BCAM: variants seen among roughly 807,000 people sequenced by gnomAD.
BCAM encodes basal cell adhesion molecule.
BCAM carries 61 observed loss-of-function variants against 72.4 expected under a neutral mutation model. The ratio of observed to expected loss-of-function variants is 0.84; its 90% CI spans 0.69 to 1.04. The LOEUF (loss-of-function observed/expected upper bound fraction) is 1.04. Ranked by LOEUF, BCAM falls within the 50% of genes least tolerant of loss-of-function variation. BCAM has a pLI of 0.00. For synonymous variants in BCAM, 408 were observed against 384.2 expected (o/e 1.06, Z -0.73); for missense variants, 909 against 895.0 (o/e 1.02, Z -0.20).
rs1384940052 is a variant in BCAM, at chr19:44,813,080, C to T, written c.505-170C>T. ...GTCCCTGGAGGATGGTGCTGGAGGC[C>T]TGGACTCTTTAGTCTGAGTCGGGGA... On this transcript the variant is annotated intron_variant, in intron 4 of 14. Transcript: ENST00000270233. The surrounding 1 kb of genome is among the most constrained non-coding windows in gnomAD (Gnocchi z 4.2). 6 of 699,672 alleles carry T rather than the reference C, an allele frequency of 8.6e-6. No individual in the cohort carries two copies. In the Admixed American group the frequency reaches 1.2e-4, roughly 14 times the overall value. The allele number at this position is 699,672 out of a possible 1,614,324, so 43.3% of individuals were successfully genotyped here. A position where few individuals can be genotyped will look rare whatever the true frequency, so the allele number is the denominator to read the frequency against.
At chr19:44,817,772 G>A (rs1968521810) in intron 8 of BCAM, among the ~76,000 whole-genome samples, 1 of 152,158 alleles carries the variant, frequency 6.6e-6, no homozygotes, top group Non-Finnish European at 1.5e-5. Context: ...TCGAACTCCT[G>A]ACATCAGGTG....
In BCAM at chr19:44,812,262, T is replaced by A. The variant is rs369719491; in HGVS notation, c.304T>A (p.Tyr102Asn). ...MHDTRGRSPP[Y>N]QLDSQGRLVL... ...CGACACCCGGGGCCGCAGTCCCCCA[T>A]ACCAGCTGGACTCCCAGGGGCGCCT... The change falls in exon 3 of 15, where the codon TAC becomes AAC. Residue 102 changes from tyrosine to asparagine, a missense_variant. Tyr to Asn is a moderately radical substitution (Grantham distance 143). Transcript: ENST00000270233. This position sits in a 1 kb window ranked among gnomAD's most constrained non-coding sequence, Gnocchi z 5.3. 3 of 1,610,372 alleles carry A rather than the reference T, an allele frequency of 1.9e-6. No individual in the cohort carries two copies. Among genetic ancestry groups the A allele is most frequent in the Non-Finnish European group, 2.5e-6 (3 of 1,178,134 alleles).
chr19:44,813,236 C>G lies in BCAM; in HGVS notation c.505-14C>G. ...CCAGCTCCAAGCCCAGGGCCATGCC[C>G]GTGTCTGCCTCAGATCGCCACCTGC... On this transcript the variant is annotated splice_polypyrimidine_tract_variant and intron_variant, in intron 4 of 14. Transcript: ENST00000270233. The surrounding 1 kb of genome is among the most constrained non-coding windows in gnomAD (Gnocchi z 4.2). 2.5e-6 allele frequency: 4 copies of G among 1,613,596 alleles called. No homozygotes were observed. The highest frequency in any genetic ancestry group is 3.4e-6 in the Non-Finnish European group (4 of 1,179,790).
rs759819008 is a variant in BCAM, at chr19:44,818,605, G to T, written c.1162G>T (p.Gly388Cys). 6.2e-7 allele frequency: 1 copy of T among 1,613,958 alleles called. No individual in the cohort carries two copies. The highest frequency in any genetic ancestry group is 8.5e-7 in the Non-Finnish European group (1 of 1,179,936). The part of the protein sequence containing the change: ...SSAVVNCSVH[G>C]LPTPALRWTK... Reference sequence around the variant, plus strand: ...TGCAGTCGTGAACTGCTCCGTGCACGGCCTGCCCACCCCTGCCCTACGCTG... The same window carrying T: ...TGCAGTCGTGAACTGCTCCGTGCACTGCCTGCCCACCCCTGCCCTACGCTG... The change falls in exon 9 of 15, where the codon GGC (glycine) becomes TGC (cysteine). Residue 388 changes from glycine (G) to cysteine (C), a missense_variant. Gly to Cys is a radical substitution (Grantham distance 159). Transcript: ENST00000270233. The surrounding 1 kb of genome is among the most constrained non-coding windows in gnomAD (Gnocchi z 4.6).
rs1968528905 is a variant in BCAM, at chr19:44,818,393, C to T, written c.1079-129C>T. On this transcript the variant is annotated intron_variant, in intron 8 of 14. Coordinates refer to ENST00000270233, the MANE Select transcript of BCAM (RefSeq NM_005581.5). This position sits in a 1 kb window ranked among gnomAD's most constrained non-coding sequence, Gnocchi z 4.6. ...GGAGATTTCATGGAGATGGGGTAAA[C>T]CAGGAGGATTACTTGCTGTTCTCTG... 1.4e-6 allele frequency: 1 copy of T among 690,140 alleles called. No individual in the cohort carries two copies. The highest frequency in any genetic ancestry group is 1.9e-5 in the South Asian group (1 of 52,852). 42.8% of individuals were successfully genotyped at this position (690,140 alleles called of 1,614,324 possible).
Position 44,819,563 on chromosome 19 carries a change from C to T in BCAM, c.1619-19C>T. 3 of 1,612,200 alleles carry T rather than the reference C, an allele frequency of 1.9e-6. No homozygotes were observed. The highest frequency in any genetic ancestry group is 2.5e-6 in the Non-Finnish European group (3 of 1,178,702). ...AGCCCACTGCCTGACCCACGCCTCT[C>T]TCCATCCTGTCCCTGCAGTGAGCCC... On this transcript the variant is annotated intron_variant, in intron 12 of 14. Transcript: ENST00000270233.
chr19:44,811,262 G>T lies in BCAM; in HGVS notation c.120G>T (p.Leu40=). The change falls in exon 2 of 15, where the codon CTG becomes CTT. Residue 40 remains leucine, a synonymous_variant. Coordinates refer to ENST00000270233, the MANE Select transcript of BCAM (RefSeq NM_005581.5). Reference sequence around the variant, plus strand: ...AGGTGCGCTTGTCTGTACCCCCGCTGGTGGAGGTGATGCGAGGAAAGTCTG... The same window carrying T: ...AGGTGCGCTTGTCTGTACCCCCGCTTGTGGAGGTGATGCGAGGAAAGTCTG... ...QAEVRLSVPP[L]VEVMRGKSVI... 1 of 1,613,002 alleles carries T rather than the reference G, an allele frequency of 6.2e-7. No homozygotes were observed. Among genetic ancestry groups the T allele is most frequent in the Non-Finnish European group, 8.5e-7 (1 of 1,179,938 alleles).
In BCAM at chr19:44,818,435, C is replaced by T. The variant is rs1006900120; in HGVS notation, c.1079-87C>T. On this transcript the variant is annotated intron_variant, in intron 8 of 14. Transcript: ENST00000270233. This position sits in a 1 kb window ranked among gnomAD's most constrained non-coding sequence, Gnocchi z 4.6. ...TGTTCTCTGCTTCCAACTGTCCATT[C>T]ATGTTTGCACCCCCGACCGCCCCTG... The T allele has an allele frequency of 1.7e-5, 16 of 958,202 alleles. No individual in the cohort carries two copies. The African/African-American group carries it at 2.6e-4, about 15-fold the overall frequency. The allele number at this position is 958,202 out of a possible 1,614,324, so 59.4% of individuals were successfully genotyped here.
chr19:44,813,823 C>A lies in BCAM; in HGVS notation c.784+203C>A, dbSNP rs1319720673. ...CCTGACCTCTGACCTCCGACCTCCA[C>A]TTAGCACCCTGGACCCCATGAAGTT... On this transcript the variant is annotated intron_variant, in intron 6 of 14. Coordinates refer to ENST00000270233, the MANE Select transcript of BCAM (RefSeq NM_005581.5). This position sits in a 1 kb window ranked among gnomAD's most constrained non-coding sequence, Gnocchi z 4.2. Among the ~76,000 whole-genome samples, 1 of 152,172 alleles carries A rather than the reference C, an allele frequency of 6.6e-6. No homozygotes were observed. Among genetic ancestry groups the A allele is most frequent in the African/African-American group, 2.4e-5 (1 of 41,434 alleles).
rs1352176374 is a variant in BCAM at position 44,819,691 on chromosome 19, C to T, written c.1728C>T (p.Gly576=). The T allele has an allele frequency of 5.6e-6, 9 of 1,611,600 alleles. No homozygotes were observed. In the South Asian group the frequency reaches 9.9e-5, roughly 18 times the overall value. The change falls in exon 13 of 15, where the codon GGC becomes GGT. Residue 576 remains glycine (G), a synonymous_variant. Coordinates refer to ENST00000270233, the MANE Select transcript of BCAM (RefSeq NM_005581.5). ...TCTACTGCGTGAGACGCAAAGGGGG[C>T]CCCTGCTGCCGCCAGCGGCGGGAGA... ...AVFYCVRRKG[G]PCCRQRREKG... is the part of the protein sequence containing the mutation.
chr19:44,819,785 C>T (rs1599890083), intron 13 of BCAM, 59 bp downstream of exon 13: 1 of 1,503,110 alleles, frequency 6.7e-7, no homozygotes, highest in Non-Finnish European at 8.9e-7. Context: ...CACCCTCAAC[C>T]CCAAGCTCAA....
Position 44,811,326 on chromosome 19 carries a change from T to A in BCAM, c.184T>A (p.Tyr62Asn). 6.2e-7 allele frequency: 1 copy of A among 1,613,220 alleles called. No homozygotes were observed. The highest frequency in any genetic ancestry group is 8.5e-7 in the Non-Finnish European group (1 of 1,179,586). Residue 62 changes from tyrosine to asparagine, a missense_variant, in exon 2 of 15, where the codon TAT becomes AAT. Transcript: ENST00000270233. ...DCTPTGTHDH[Y>N]MLEWFLTDRS... ...CACCCCTACGGGAACCCACGACCAT[T>A]ATATGCTGGAATGGTTCCTTGTGAG...
rs1445943954 is a variant in BCAM at position 44,818,991 on chromosome 19, T to C, written c.1337-65T>C. The C allele has an allele frequency of 2.5e-6, 4 of 1,602,156 alleles. No individual in the cohort carries two copies. Among genetic ancestry groups the C allele is most frequent in the Non-Finnish European group, 3.4e-6 (4 of 1,172,242 alleles). ...CCTGGCTGGGGACTCCATCTTCTGC[T>C]CGATGCCTCTCTTCTCTCTCTCTCT... On this transcript the variant is annotated intron_variant, in intron 10 of 14. Transcript: ENST00000270233. This position sits in a 1 kb window ranked among gnomAD's most constrained non-coding sequence, Gnocchi z 4.6.
At position 44,812,350 on chromosome 19, in the gene BCAM, C is replaced by T; in HGVS notation, c.392C>T (p.Ala131Val). ...RDYVCVVRAG[A>V]AGTAEATARL... is the part of the protein sequence containing the mutation. ...TACGTGTGCGTGGTGAGGGCAGGGG[C>T]GGCAGGCACTGCTGAGGCCACTGCG... The change falls in exon 3 of 15, where the codon GCG becomes GTG. Residue 131 changes from alanine (A) to valine (V), a missense_variant. Transcript: ENST00000270233. The surrounding 1 kb of genome is among the most constrained non-coding windows in gnomAD (Gnocchi z 5.3). 4.3e-6 allele frequency: 7 copies of T among 1,613,566 alleles called. No individual in the cohort carries two copies. The highest frequency in any genetic ancestry group is 5.9e-6 in the Non-Finnish European group (7 of 1,179,714).
chr19:44,810,169 G>A (rs1024305366), intron 1 of BCAM, among the ~76,000 whole-genome samples: 1 of 152,130 alleles, frequency 6.6e-6, no homozygotes, highest in African/African-American at 2.4e-5. Context: ...TGCCAGCCCA[G>A]AGGGTGAGGG....
At chr19:44,820,112 C>G in intron 13 of BCAM, 1 of 1,077,016 alleles carries the variant, frequency 9.3e-7, no homozygotes, top group Non-Finnish European at 1.1e-6. Flanking sequence ...CAATCCATAA[C>G]CCCCTTCAAA....
Position 44,814,912 on chromosome 19 carries a change from T to G in BCAM, c.1078+152T>G, listed in dbSNP as rs1254546565. ...TTCTTGGGGGTTTTTTTGGTTGTTT[T>G]TTTTTTTTTTTTTTTCCCAGAGACA... On this transcript the variant is annotated intron_variant, in intron 8 of 14. Transcript: ENST00000270233. The surrounding 1 kb of genome is among the most constrained non-coding windows in gnomAD (Gnocchi z 4.6). The G allele has an allele frequency of 2.4e-5, 22 of 930,668 alleles. No individual in the cohort carries two copies. Among genetic ancestry groups the G allele is most frequent in the South Asian group, 1.1e-4 (4 of 35,566 alleles). 57.7% of individuals were successfully genotyped at this position (930,668 alleles called of 1,614,324 possible). A position where few individuals can be genotyped will look rare whatever the true frequency, so the allele number is the denominator to read the frequency against.
intron 13 of BCAM, 125 bp from the exon 14 acceptor site, chr19:44,820,580 G>C: frequency 8.5e-7 from 1 of 1,174,478 alleles, no homozygotes; most frequent in Middle Eastern, 3.4e-4. Context: ...TCCCCACCCA[G>C]CACACCCCCA....
chr19:44,820,101 C>A, intron 13 of BCAM: 1 of 1,106,506 alleles, frequency 9.0e-7, no homozygotes, highest in Non-Finnish European at 1.1e-6. Flanking sequence ...CCCCTCAACT[C>A]CAATCCATAA....
Sources: allele counts gnomAD v4.1 joint callset (sites outside exome capture counted in the v4.1 genomes callset), GRCh38; gene constraint gnomAD v4.1.1; non-coding constraint Gnocchi (gnomAD v3.1); transcripts MANE v1.5; gene names NCBI Gene and HGNC (gene_info 2026-07-23, HGNC 2026-07-21).